The following ABCC6 variants were observed in gnomAD, a reference collection of about 807,000 sequenced individuals.
ABCC6 encodes ATP-binding cassette sub-family C member 6.
In ABCC6, 126 loss-of-function variants were observed where a neutral mutation model predicts 169.5. The ratio of observed to expected loss-of-function variants is 0.74; its 90% CI spans 0.64 to 0.86. The LOEUF (loss-of-function observed/expected upper bound fraction) is 0.86. Among genes scored for constraint, ABCC6 ranks in the 40% least tolerant of loss-of-function variants. The pLI is 0.00. For synonymous variants in ABCC6, 752 were observed against 814.7 expected, an observed-to-expected ratio of 0.92 and a Z score of 1.31; for missense variants, 1,733 against 1,927.2, an observed-to-expected ratio of 0.90 and a Z score of 1.89.
chr16:16,216,021 G>A (rs1239979194), intron 4 of ABCC6, among the ~76,000 whole-genome samples: 1 of 152,152 alleles, frequency 6.6e-6, no homozygotes, highest in Non-Finnish European at 1.5e-5. Context: ...CTGGATTCAA[G>A]TGATTCTCCT....
In ABCC6 at chr16:16,193,504, A is replaced by G. The variant is rs145087305; in HGVS notation, c.1339-582T>C. Among the ~76,000 whole-genome samples the G allele has an allele frequency of 1.2e-3, 179 of 152,296 alleles. 1 individual carries two copies. The highest frequency in any genetic ancestry group is 3.9e-3 in the African/African-American group (161 of 41,570). On this transcript the variant is annotated intron_variant, in intron 10 of 30. Transcript: ENST00000205557. ...GGAGGCGGGCAGATCACCTGAGGTCAGGAGTTTGAGACCAGCCTGGCCAAC... is the reference window on the plus strand; with the variant it reads ...GGAGGCGGGCAGATCACCTGAGGTCGGGAGTTTGAGACCAGCCTGGCCAAC...
intron 26 of ABCC6, 21 bp downstream of exon 26, chr16:16,159,461 T>G: frequency 1.9e-6 from 3 of 1,594,460 alleles, no homozygotes; most frequent in Non-Finnish European, 2.6e-6. Flanking sequence ...TGGGACCCCC[T>G]CCCCACCTCC....
intron 5 of ABCC6, among the ~76,000 whole-genome samples, chr16:16,212,707 T>C (rs2048680359): frequency 2.0e-5 from 3 of 151,964 alleles, no homozygotes; most frequent in Middle Eastern, 6.8e-3. Context: ...GCAGGCAGCG[T>C]AAAAAGAGGT....
intron 11 of ABCC6, among the ~76,000 whole-genome samples, chr16:16,190,776 C>T (rs1222820007): frequency 6.6e-6 from 1 of 150,864 alleles, no homozygotes; most frequent in Non-Finnish European, 1.5e-5. Flanking sequence ...TCAAGTGATC[C>T]TCTGCCCTCA....
chr16:16,174,759 A>ACCCCCC (rs200038324), intron 20 of ABCC6, among the ~76,000 whole-genome samples: 142 of 84,210 alleles, frequency 1.7e-3, no homozygotes, highest in East Asian at 8.7e-3. Flanking sequence ...TCTGTCTCAA[A>ACCCCCC]ACCCCCCCCC....
chr16:16,221,915 G>C, intron 1 of ABCC6, 84 bp from the exon 2 acceptor site: 2 of 1,608,642 alleles, frequency 1.2e-6, no homozygotes, highest in South Asian at 2.2e-5. Context: ...GCAACTTTTT[G>C]GATCTTTAAC....
intron 11 of ABCC6, among the ~76,000 whole-genome samples, chr16:16,190,865 G>T (rs1330178211): frequency 1.5e-5 from 2 of 137,554 alleles, no homozygotes; most frequent in African/African-American, 5.4e-5. Flanking sequence ...GCAGAGGATG[G>T]GGGGATGGAG....
At chr16:16,157,945 A>G in intron 26 of ABCC6, 136 bp from the exon 27 acceptor site, 8 of 980,608 alleles carry the variant, frequency 8.2e-6, no homozygotes, top group Non-Finnish European at 1.2e-5. Context: ...TTGTTATGGG[A>G]ATTCAACAAG....
In ABCC6 at chr16:16,149,604, A is replaced by G. The variant is rs955742293; in HGVS notation, c.*529T>C. 12 of 254,150 alleles carry G rather than the reference A, an allele frequency of 4.7e-5. No homozygotes were observed. The highest frequency in any genetic ancestry group is 2.1e-4 in the South Asian group (2 of 9,678). The allele number at this position is 254,150 out of a possible 1,614,324, so 15.7% of individuals were successfully genotyped here. A position where few individuals can be genotyped will look rare whatever the true frequency, so the allele number is the denominator to read the frequency against. On this transcript the variant is annotated 3_prime_UTR_variant, in exon 31 of 31. Transcript: ENST00000205557. ...GAAATCGAGCAAGATTGTTGTGTCA[A>G]TGTCAACACCCTGGCTGTGATGCTT...
intron 11 of ABCC6, among the ~76,000 whole-genome samples, chr16:16,192,187 G>A (rs932918153): frequency 4.6e-5 from 7 of 152,154 alleles, no homozygotes; most frequent in Non-Finnish European, 8.8e-5. Flanking sequence ...CAGCTAAAGC[G>A]AAGGCCTGCA....
At chr16:16,177,812 G>A (rs574441004) in intron 18 of ABCC6, among the ~76,000 whole-genome samples, 186 bp from the exon 19 acceptor site, 4 of 152,020 alleles carry the variant, frequency 2.6e-5, no homozygotes, top group South Asian at 2.1e-4. Flanking sequence ...GTGAGGTGGC[G>A]CACACCTGTA....
At position 16,204,837 on chromosome 16, in the gene ABCC6, CT is replaced by C. The variant is rs869245358; in HGVS notation, c.795-1225del. On this transcript the variant is annotated intron_variant, in intron 7 of 30. Transcript: ENST00000205557. ...AGTAATTTCTTTTTCTTTTTCTTTT[CT>C]TTTTTTTTTTTTTTGAGACAGAGTT... 8.3e-3 allele frequency among the ~76,000 whole-genome samples: 1,163 copies of C among 140,118 alleles called. 8 individuals carry two copies. Among genetic ancestry groups the C allele is most frequent in the African/African-American group, 0.024 (934 of 38,202 alleles). The allele number at this position is 140,118 out of a possible 152,430, so 91.9% of individuals were successfully genotyped here.
rs2047559742 is a variant in ABCC6, at chr16:16,183,920, G to A, written c.1944-990C>T. Among the ~76,000 whole-genome samples, 3 of 152,160 alleles carry A rather than the reference G, an allele frequency of 2.0e-5. No homozygotes were observed. The South Asian group carries it at 6.2e-4, about 32-fold the overall frequency. The stretch of plus-strand genomic sequence containing the variant: ...ACCGCCTAGAAGGTTCTTCTCCCAG[G>A]CCGGGCACGGTGGCTCATGCCTGTA... On this transcript the variant is annotated intron_variant, in intron 15 of 30. Coordinates refer to ENST00000205557, the MANE Select transcript of ABCC6 (RefSeq NM_001171.6).
At chr16:16,174,759 A>ACCGCCCC (rs200038324) in intron 20 of ABCC6, among the ~76,000 whole-genome samples, 1 of 84,482 alleles carries the variant, frequency 1.2e-5, no homozygotes, top group Non-Finnish European at 2.5e-5. Context: ...TCTGTCTCAA[A>ACCGCCCC]ACCCCCCCCC....
intron 4 of ABCC6, 140 bp downstream of exon 4, chr16:16,219,414 G>A: frequency 1.6e-6 from 1 of 622,260 alleles, no homozygotes; most frequent in Non-Finnish European, 2.8e-6. Context: ...TGGATTTTGT[G>A]TCTCTAGAGT....
In ABCC6 at chr16:16,154,696, G is replaced by A. The variant is rs368258006; in HGVS notation, c.4140C>T (p.Leu1380=). 9 of 1,613,544 alleles carry A rather than the reference G, an allele frequency of 5.6e-6. No homozygotes were observed. Among genetic ancestry groups the A allele is most frequent in the Middle Eastern group, 1.7e-4 (1 of 5,840 alleles). ...AIWAALETVQ[L]KALVASLPGQ... The stretch of plus-strand genomic sequence containing the variant: ...CGGGCAGGCTGGCCACCAAGGCTTT[G>A]AGCTGCACCGTCTCCAGGGCTGCCC... The change falls in exon 29 of 31, where the codon CTC becomes CTT. Residue 1380 remains leucine (L), a synonymous_variant. Transcript: ENST00000205557.
In ABCC6 at chr16:16,163,082, T is replaced by C. The variant is rs754351046; in HGVS notation, c.3417A>G (p.Ala1139=). 46 of 1,613,916 alleles carry C rather than the reference T, an allele frequency of 2.9e-5. No homozygotes were observed. Among genetic ancestry groups the C allele is most frequent in the South Asian group, 2.2e-4 (20 of 91,084 alleles). The part of the protein sequence containing the change: ...ETFQGSTVVR[A]FRTQAPFVAQ... ...CCACAAAGGGGGCCTGGGTTCGGAA[T>C]GCCCGGACCACTGTGCTGCCCTGGA... The change falls in exon 24 of 31, where the codon GCA becomes GCG. Residue 1139 remains alanine, a synonymous_variant. Coordinates refer to ENST00000205557, the MANE Select transcript of ABCC6 (RefSeq NM_001171.6).
rs568104839 is a variant in ABCC6, at chr16:16,198,909, G to T, written c.1177-727C>A. On this transcript the variant is annotated intron_variant, in intron 9 of 30. Transcript: ENST00000205557. ...CTTGGGAGGCTGAGGCAAGAGAATC[G>T]CTTAAACCCAGGAGGCAGAGGTTGC... is the stretch of plus-strand genomic sequence containing the variant. Among the ~76,000 whole-genome samples the T allele has an allele frequency of 2.1e-3, 315 of 152,026 alleles. 1 individual carries two copies. The highest frequency in any genetic ancestry group is 7.4e-3 in the African/African-American group (307 of 41,450).
chr16:16,193,475 G>A (rs944982557), intron 10 of ABCC6, among the ~76,000 whole-genome samples: 1 of 152,158 alleles, frequency 6.6e-6, no homozygotes, highest in Non-Finnish European at 1.5e-5. Flanking sequence ...CACTTTGGGA[G>A]GCCGGAGGCG....
Sources: allele counts gnomAD v4.1 joint callset (sites outside exome capture counted in the v4.1 genomes callset), GRCh38; gene constraint gnomAD v4.1.1; transcripts MANE v1.5; gene names NCBI Gene and HGNC (gene_info 2026-07-23, HGNC 2026-07-21).